Variants in RAB3C observed in about 807,000 individuals in gnomAD.
The protein encoded by RAB3C is RAB3C, member RAS oncogene family.
Under a neutral mutation model 26.4 loss-of-function variants are expected in RAB3C, and 17 were observed. That is an observed-to-expected ratio of 0.64 (90% CI 0.44 to 0.97). The LOEUF is 0.97. Ranked by LOEUF, RAB3C falls within the 50% of genes least tolerant of loss-of-function variation. The pLI is 0.00. For missense variants in RAB3C, 242 were observed against 281.9 expected (o/e 0.86, Z 1.01); for synonymous variants, 91 against 95.9 (o/e 0.95, Z 0.30).
intron 3 of RAB3C, among the ~76,000 whole-genome samples, chr5:58,789,232 A>G (rs2112011839): frequency 6.6e-6 from 1 of 152,228 alleles, no homozygotes; most frequent in East Asian, 1.9e-4. Flanking sequence ...TGCCTCATTT[A>G]GAGCCCGTTC....
intron 2 of RAB3C, among the ~76,000 whole-genome samples, chr5:58,664,895 C>G (rs1747973833): frequency 6.6e-6 from 1 of 151,986 alleles, no homozygotes; most frequent in Non-Finnish European, 1.5e-5. Flanking sequence ...TGCTCCTAAC[C>G]ACACTTGGCT....
chr5:58,699,307 A>C (rs1413859479), intron 2 of RAB3C, among the ~76,000 whole-genome samples: 6 of 142,716 alleles, frequency 4.2e-5, no homozygotes, highest in Non-Finnish European at 9.6e-5. Context: ...CAGAACAGCA[A>C]ATATTGCTGC....
chr5:58,731,503 GA>G (rs1741019550), intron 3 of RAB3C, among the ~76,000 whole-genome samples: 1 of 152,104 alleles, frequency 6.6e-6, no homozygotes, highest in Non-Finnish European at 1.5e-5. Flanking sequence ...TTGAAACAGA[GA>G]AGAAAAAGCT....
At position 58,634,234 on chromosome 5, in the gene RAB3C, C is replaced by T. The variant is rs138337405; in HGVS notation, c.252+16364C>T. 9.9e-5 allele frequency among the ~76,000 whole-genome samples: 15 copies of T among 152,120 alleles called. No individual in the cohort carries two copies. In the South Asian group the frequency reaches 2.1e-3, roughly 21 times the overall value. ...TCACTGTTCTTCTTTCCCATTATTT[C>T]AGGAGTTCAGGTTGAGGGATATTTA... On this transcript the variant is annotated intron_variant, in intron 2 of 4. Transcript: ENST00000282878.
rs1053072468 is a variant in RAB3C, at chr5:58,774,715, A to T, written c.371+48595A>T. On this transcript the variant is annotated intron_variant, in intron 3 of 4. Coordinates refer to ENST00000282878, the MANE Select transcript of RAB3C (RefSeq NM_138453.4). ...TAAATAAAGCAGCTAGATATAGGTG[A>T]CATTCAAGCCATGATATGAAGGAGG... Among the ~76,000 whole-genome samples the T allele has an allele frequency of 5.9e-5, 9 of 152,174 alleles. No homozygotes were observed. The East Asian group carries it at 1.7e-3, about 29-fold the overall frequency.
chr5:58,814,044 C>G (rs557247460), intron 3 of RAB3C, among the ~76,000 whole-genome samples: 1 of 152,160 alleles, frequency 6.6e-6, no homozygotes, highest in African/African-American at 2.4e-5. Context: ...TGAAGTCTTT[C>G]GCAATCTTTC....
intron 1 of RAB3C, among the ~76,000 whole-genome samples, chr5:58,587,654 C>T (rs532754969): frequency 6.6e-6 from 1 of 152,258 alleles, no homozygotes; most frequent in Non-Finnish European, 1.5e-5. Context: ...ATCTGTGTAA[C>T]ACACACCATT....
intron 3 of RAB3C, among the ~76,000 whole-genome samples, chr5:58,788,746 T>A (rs1742452017): frequency 1.3e-5 from 2 of 152,228 alleles, no homozygotes; most frequent in Non-Finnish European, 2.9e-5. Flanking sequence ...AGTCTATGTA[T>A]AATCACAATT....
intron 2 of RAB3C, among the ~76,000 whole-genome samples, chr5:58,628,210 G>T (rs1747104609): frequency 6.9e-6 from 1 of 144,162 alleles, no homozygotes. Flanking sequence ...AGAAACAATA[G>T]AGAAACAACA....
chr5:58,699,997 T>G (rs1342356578), intron 2 of RAB3C, among the ~76,000 whole-genome samples: 1 of 152,206 alleles, frequency 6.6e-6, no homozygotes, highest in Non-Finnish European at 1.5e-5. Context: ...CCCAATGAGA[T>G]GAACCAGGCA....
At chr5:58,791,675 A>G (rs900285799) in intron 3 of RAB3C, among the ~76,000 whole-genome samples, 1 of 152,246 alleles carries the variant, frequency 6.6e-6, no homozygotes, top group African/African-American at 2.4e-5. Flanking sequence ...TTGATTTCAT[A>G]AATAAAGATT....
chr5:58,714,689 A>C (rs770564493), intron 2 of RAB3C, among the ~76,000 whole-genome samples: 4 of 152,124 alleles, frequency 2.6e-5, no homozygotes, highest in Non-Finnish European at 5.9e-5. Context: ...TGGAGAATGA[A>C]GTTAAAGATA....
chr5:58,825,775 TAA>T (rs1743462867), intron 4 of RAB3C, among the ~76,000 whole-genome samples: 1 of 152,096 alleles, frequency 6.6e-6, no homozygotes, highest in African/African-American at 2.4e-5. Flanking sequence ...ACATTGTATC[TAA>T]AGAGAAAAAT....
intron 4 of RAB3C, chr5:58,846,786 T>C (rs1001856720): frequency 2.6e-5 from 4 of 151,934 alleles, no homozygotes; most frequent in African/African-American, 9.7e-5. Flanking sequence ...ACTGCCTCTC[T>C]CTGCTTGCTC....
chr5:58,815,028 C>T (rs142278643), intron 3 of RAB3C, among the ~76,000 whole-genome samples: 4 of 152,208 alleles, frequency 2.6e-5, no homozygotes, highest in East Asian at 3.9e-4. Flanking sequence ...CAGATCCTTC[C>T]AGAACATCCA....
intron 3 of RAB3C, among the ~76,000 whole-genome samples, chr5:58,757,909 C>T (rs1741708312): frequency 8.3e-6 from 1 of 121,208 alleles, no homozygotes; most frequent in African/African-American, 2.7e-5. Flanking sequence ...AGCTCCCCTA[C>T]TTATTTGTTT....
intron 1 of RAB3C, among the ~76,000 whole-genome samples, chr5:58,586,319 T>C (rs1746007362): frequency 6.6e-6 from 1 of 152,004 alleles, no homozygotes; most frequent in South Asian, 2.1e-4. Context: ...TTCCGCCAGA[T>C]CTCTCTGTCT....
chr5:58,838,756 G>T (rs1015989358), intron 4 of RAB3C, among the ~76,000 whole-genome samples: 9 of 152,122 alleles, frequency 5.9e-5, no homozygotes, highest in African/African-American at 1.9e-4. Context: ...TTAATTTCCT[G>T]TCTGGATGAC....
chr5:58,845,606 A>G (rs1197586387), intron 4 of RAB3C, among the ~76,000 whole-genome samples: 1 of 56,544 alleles, frequency 1.8e-5, no homozygotes, highest in Non-Finnish European at 3.7e-5. Flanking sequence ...ATATATATAT[A>G]TATATATGTG....
Sources: gnomAD v4.1 joint callset for allele counts (sites outside exome capture counted in the v4.1 genomes callset) on GRCh38, gnomAD v4.1.1 for gene constraint, MANE v1.5 for transcripts, NCBI Gene and HGNC (gene_info 2026-07-23, HGNC 2026-07-21) for gene names.